The following OR2C1 variants were observed in gnomAD, a reference collection of about 807,000 sequenced individuals.
OR2C1 encodes the protein olfactory receptor 2C1.
For synonymous variants in OR2C1, 209 were observed against 167.3 expected, an observed-to-expected ratio of 1.25 and a Z score of -1.92; for missense variants, 468 against 388.3, an observed-to-expected ratio of 1.21 and a Z score of -1.73.
At chr16:3,348,863 ATG>A in the OR2C1 span, among the ~76,000 whole-genome samples, 1 of 152,112 alleles carries the variant, frequency 6.6e-6, no homozygotes, top group Non-Finnish European at 1.5e-5. Context: ...TCTAAGGCTC[ATG>A]TCCCTGATTT....
chr16:3,355,245 G>A (rs929863450), upstream of OR2C1, among the ~76,000 whole-genome samples: 6 of 150,016 alleles, frequency 4.0e-5, no homozygotes, highest in African/African-American at 1.2e-4. Context: ...GGCATATCAC[G>A]AGGTCAGGAG....
At chr16:3,323,322 A>G in the OR2C1 span, 1 of 1,087,308 alleles carries the variant, frequency 9.2e-7, no homozygotes, top group South Asian at 1.2e-5. Context: ...GAACCATGAG[A>G]TCTCCTGGAA....
chr16:3,344,949 A>G, the OR2C1 span, among the ~76,000 whole-genome samples: 11 of 129,316 alleles, frequency 8.5e-5, no homozygotes, highest in East Asian at 1.0e-3. Flanking sequence ...GTATGTGTGT[A>G]TATATATATG....
the OR2C1 span, chr16:3,323,041 C>CTT: frequency 1.9e-6 from 1 of 528,684 alleles, no homozygotes; most frequent in Non-Finnish European, 2.4e-6. Context: ...AAGCTACTGT[C>CTT]TTTTTTTTTA....
At chr16:3,337,920 C>G in the OR2C1 span, among the ~76,000 whole-genome samples, 2 of 152,298 alleles carry the variant, frequency 1.3e-5, no homozygotes, top group African/African-American at 2.4e-5. Flanking sequence ...TGTAATTTAT[C>G]TGTTGAATTT....
At chr16:3,338,771 T>G in the OR2C1 span, among the ~76,000 whole-genome samples, 2 of 151,920 alleles carry the variant, frequency 1.3e-5, no homozygotes, top group Admixed American at 1.3e-4. Flanking sequence ...CTCCTGACCT[T>G]GTGATCCGCC....
chr16:3,356,475 T>C lies in OR2C1; in HGVS notation c.535T>C (p.Cys179Arg). ...GCACCGGAGGGTGGAGGGATTCCTC[T>C]GCGAGGTGCCTGCCATGATCAAACT... is the stretch of plus-strand genomic sequence containing the variant. ...CGHRRVEGFL[C>R]EVPAMIKLAC... is the part of the protein sequence containing the mutation. Residue 179 changes from cysteine to arginine, a missense_variant, in exon 1 of 1, where the codon TGC becomes CGC. Coordinates refer to ENST00000304936, the MANE Select transcript of OR2C1 (RefSeq NM_012368.3). The C allele has an allele frequency of 2.5e-6, 4 of 1,614,088 alleles. No homozygotes were observed. Among genetic ancestry groups the C allele is most frequent in the Non-Finnish European group, 3.4e-6 (4 of 1,180,042 alleles).
chr16:3,337,219 A>G, the OR2C1 span, among the ~76,000 whole-genome samples: 2 of 150,478 alleles, frequency 1.3e-5, no homozygotes, highest in African/African-American at 2.5e-5. Context: ...CAGTGGTGCA[A>G]TCTCTGCTCA....
the OR2C1 span, among the ~76,000 whole-genome samples, chr16:3,342,802 G>A: frequency 6.6e-5 from 10 of 152,066 alleles, no homozygotes; most frequent in South Asian, 2.1e-4. Flanking sequence ...ACTTGAACCC[G>A]GGAGGTACAG....
At chr16:3,324,632 G>A in the OR2C1 span, among the ~76,000 whole-genome samples, 1 of 151,950 alleles carries the variant, frequency 6.6e-6, no homozygotes, top group Non-Finnish European at 1.5e-5. Flanking sequence ...TTATAAATAT[G>A]TTAGAGATGG....
the OR2C1 span, among the ~76,000 whole-genome samples, chr16:3,337,174 A>G: frequency 3.7e-5 from 5 of 135,458 alleles, no homozygotes; most frequent in African/African-American, 8.3e-5. Flanking sequence ...CTTTTTTTGG[A>G]GACAGAGGCT....
At chr16:3,348,217 G>A in the OR2C1 span, among the ~76,000 whole-genome samples, 4 of 152,282 alleles carry the variant, frequency 2.6e-5, no homozygotes, top group East Asian at 5.8e-4. Flanking sequence ...TGAGAATGGC[G>A]AGTGGGAATA....
At chr16:3,354,416 C>A (rs909896762), upstream of OR2C1, among the ~76,000 whole-genome samples, 4 of 152,168 alleles carry the variant, frequency 2.6e-5, no homozygotes, top group South Asian at 8.3e-4. Context: ...TATTTTAACC[C>A]CTTTTTGTGT....
At chr16:3,336,708 C>CTTTTTT in the OR2C1 span, among the ~76,000 whole-genome samples, 12 of 93,766 alleles carry the variant, frequency 1.3e-4, no homozygotes, top group East Asian at 3.2e-4. Flanking sequence ...TTCTTTCTTT[C>CTTTTTT]TTTCTTTTTT....
chr16:3,347,873 C>T, the OR2C1 span, among the ~76,000 whole-genome samples: 5 of 6,408 alleles, frequency 7.8e-4, no homozygotes, highest in African/African-American at 1.7e-3. Context: ...CACACACACA[C>T]GCACATGCAC....
the OR2C1 span, among the ~76,000 whole-genome samples, chr16:3,327,899 T>G: frequency 2.0e-5 from 3 of 152,180 alleles, no homozygotes; most frequent in African/African-American, 4.8e-5. Flanking sequence ...GCATTAAAAT[T>G]TCATTATAGT....
the OR2C1 span, among the ~76,000 whole-genome samples, chr16:3,333,852 C>A: frequency 6.6e-6 from 1 of 151,994 alleles, no homozygotes; most frequent in East Asian, 1.9e-4. Context: ...GTCTTTAATC[C>A]ATTTTGAGTT....
In OR2C1 at chr16:3,356,141, C is replaced by T; in HGVS notation, c.201C>T (p.Ser67=). ...TPMYFFLSNL[S]SLDLAFATSS... is the part of the protein sequence containing the mutation. Reference sequence around the variant, plus strand: ...TGTACTTCTTCCTCAGCAACCTCTCCTCCTTGGACCTTGCTTTCGCTACTA... The same window carrying T: ...TGTACTTCTTCCTCAGCAACCTCTCTTCCTTGGACCTTGCTTTCGCTACTA... The change falls in exon 1 of 1, where the codon TCC becomes TCT. Residue 67 remains serine (S), a synonymous_variant. Coordinates refer to ENST00000304936, the MANE Select transcript of OR2C1 (RefSeq NM_012368.3). 3 of 1,614,254 alleles carry T rather than the reference C, an allele frequency of 1.9e-6. No individual in the cohort carries two copies. Among genetic ancestry groups the T allele is most frequent in the Non-Finnish European group, 2.5e-6 (3 of 1,180,052 alleles).
the OR2C1 span, chr16:3,323,216 G>A: frequency 2.7e-6 from 2 of 737,296 alleles, 1 homozygote; most frequent in South Asian, 2.7e-5. Flanking sequence ...GCTGATTGAT[G>A]CATTCACCCC....
Sources: allele counts gnomAD v4.1 joint callset (sites outside exome capture counted in the v4.1 genomes callset), GRCh38; gene constraint gnomAD v4.1.1; transcripts MANE v1.5; gene names NCBI Gene and HGNC (gene_info 2026-07-23, HGNC 2026-07-21).